The following CDYL variants were observed in gnomAD, a reference collection of about 807,000 sequenced individuals.
The protein encoded by CDYL is chromodomain Y like.
CDYL carries 8 observed loss-of-function variants against 47.3 expected under a neutral mutation model. The ratio of observed to expected loss-of-function variants is 0.17; its 90% CI spans 0.10 to 0.31. The LOEUF is 0.31. CDYL is among the 10% of genes least tolerant of loss of function. The pLI, the probability that CDYL is intolerant of heterozygous loss-of-function variation, is 1.00. For missense variants in CDYL, 471 were observed against 701.4 expected, an observed-to-expected ratio of 0.67 and a Z score of 3.71; for synonymous variants, 266 against 265.0, an observed-to-expected ratio of 1.00 and a Z score of -0.04.
In CDYL at chr6:4,955,072, T is replaced by G. The variant is rs1193689612; in HGVS notation, c.*1016T>G. 3 of 152,626 alleles carry G rather than the reference T, an allele frequency of 2.0e-5. No individual in the cohort carries two copies. The highest frequency in any genetic ancestry group is 4.4e-5 in the Non-Finnish European group (3 of 68,016). The allele number at this position is 152,626 out of a possible 1,614,324, so 9.5% of individuals were successfully genotyped here. A position where few individuals can be genotyped will look rare whatever the true frequency, so the allele number is the denominator to read the frequency against. ...ACACTATTAAATGCAAAAACTCCTT[T>G]CAAAACAAAAAAGAACTACCTTATA... On this transcript the variant is annotated 3_prime_UTR_variant, in exon 7 of 7. Transcript: ENST00000397588.
chr6:4,943,963 C>G (rs775795835), intron 5 of CDYL: 8 of 475,968 alleles, frequency 1.7e-5, no homozygotes, highest in Middle Eastern at 5.5e-4. Context: ...AGGAGCCTAC[C>G]ACTTTGCATA....
chr6:4,787,985 T>A (rs945541727), intron 1 of CDYL, among the ~76,000 whole-genome samples: 3 of 151,358 alleles, frequency 2.0e-5, no homozygotes, highest in African/African-American at 7.3e-5. Context: ...TTGGCCAGGC[T>A]GGTCTCGAAC....
chr6:4,819,154 C>CTGTG (rs1481715959), intron 1 of CDYL, among the ~76,000 whole-genome samples: 27 of 137,686 alleles, frequency 2.0e-4, no homozygotes, highest in African/African-American at 8.6e-4. Flanking sequence ...CTCTCTCTCT[C>CTGTG]TCTCTCTCTG....
At chr6:4,780,973 A>G (rs989903671) in intron 1 of CDYL, among the ~76,000 whole-genome samples, 10 of 151,376 alleles carry the variant, frequency 6.6e-5, no homozygotes, top group African/African-American at 2.4e-4. Context: ...GTATGTCTTA[A>G]TAATTCCTTT....
intron 1 of CDYL, chr6:4,836,117 T>G (rs2127456397): frequency 9.5e-5 from 18 of 189,742 alleles, no homozygotes; most frequent in East Asian, 1.9e-4. Flanking sequence ...CACTCCCTAG[T>G]GAGATGAACC....
In CDYL at chr6:4,952,423, C is replaced by T. The variant is rs1170374423; in HGVS notation, c.1476+14C>T. ...TGCAATCCAGTTGTATGTCTAATTG[C>T]TTCTGTTACACGTTACTTTTTAAAA... On this transcript the variant is annotated intron_variant, in intron 6 of 6. Transcript: ENST00000397588. The T allele has an allele frequency of 6.3e-7, 1 of 1,597,556 alleles. No homozygotes were observed. Among genetic ancestry groups the T allele is most frequent in the Non-Finnish European group, 8.5e-7 (1 of 1,173,472 alleles).
intron 3 of CDYL, 103 bp downstream of exon 3, chr6:4,935,874 C>A: frequency 6.5e-7 from 1 of 1,531,342 alleles, no homozygotes; most frequent in Non-Finnish European, 8.8e-7. Context: ...TCTAAACCTC[C>A]TTTTGGGCCA....
intron 3 of CDYL, among the ~76,000 whole-genome samples, chr6:4,761,550 G>A (rs1758176095): frequency 1.3e-5 from 2 of 152,052 alleles, no homozygotes; most frequent in Non-Finnish European, 2.9e-5. Context: ...CACCATGTTG[G>A]CCAGGCTGGT....
At chr6:4,802,765 A>C (rs1759260789) in intron 1 of CDYL, among the ~76,000 whole-genome samples, 1 of 135,370 alleles carries the variant, frequency 7.4e-6, no homozygotes, top group African/African-American at 2.8e-5. Context: ...TTTGTATGAG[A>C]GTCAGCCACC....
intron 2 of CDYL, among the ~76,000 whole-genome samples, chr6:4,896,092 G>A (rs2127489969): frequency 6.6e-6 from 1 of 152,324 alleles, no homozygotes; most frequent in East Asian, 1.9e-4. Flanking sequence ...ATACTGCTGA[G>A]AATATAATCA....
At chr6:4,844,340 G>A (rs1036748015) in intron 1 of CDYL, among the ~76,000 whole-genome samples, 3 of 152,218 alleles carry the variant, frequency 2.0e-5, no homozygotes, top group African/African-American at 7.2e-5. Context: ...ATCAGGTGGT[G>A]TGGGGGCCCT....
At chr6:4,913,296 A>G (rs1472551961) in intron 2 of CDYL, among the ~76,000 whole-genome samples, 1 of 152,164 alleles carries the variant, frequency 6.6e-6, no homozygotes, top group African/African-American at 2.4e-5. Flanking sequence ...GGTGGTTTTA[A>G]GTGCCATCTT....
rs542204739 is a variant in CDYL at position 4,925,852 on chromosome 6, C to T, written c.692-9663C>T. Among the ~76,000 whole-genome samples the T allele has an allele frequency of 3.3e-5, 5 of 152,280 alleles. No individual in the cohort carries two copies. The South Asian group carries it at 6.2e-4, about 19-fold the overall frequency. On this transcript the variant is annotated intron_variant, in intron 2 of 6. Coordinates refer to ENST00000397588, the MANE Select transcript of CDYL (RefSeq NM_004824.4). ...CCTGTGGTTTGCATGTGAGAACACA[C>T]ATCTCTGTGAATAAGAATAGCCCGG...
chr6:4,726,108 A>G (rs1265786870), intron 2 of CDYL, among the ~76,000 whole-genome samples: 1 of 152,140 alleles, frequency 6.6e-6, no homozygotes, highest in African/African-American at 2.4e-5. Flanking sequence ...TCCAAGATTT[A>G]GAGGTTAAAA....
intron 6 of CDYL, 87 bp from the exon 7 acceptor site, chr6:4,953,811 A>C: frequency 2.4e-6 from 3 of 1,268,818 alleles, no homozygotes; most frequent in Non-Finnish European, 3.3e-6. Context: ...CTGGAATTTG[A>C]TGATTGCCTC....
intron 2 of CDYL, among the ~76,000 whole-genome samples, chr6:4,733,875 A>T (rs1269489409): frequency 9.3e-4 from 126 of 136,198 alleles, no homozygotes; most frequent in African/African-American, 3.2e-3. Flanking sequence ...TTCTTGAGAC[A>T]GAGTCTCACT....
intron 1 of CDYL, among the ~76,000 whole-genome samples, chr6:4,886,086 T>C (rs1761893574): frequency 6.6e-6 from 1 of 152,228 alleles, no homozygotes; most frequent in African/African-American, 2.4e-5. Flanking sequence ...TTCATTCCTT[T>C]CTGTGGCTGA....
chr6:4,721,859 T>C (rs1757376605), intron 2 of CDYL, among the ~76,000 whole-genome samples: 1 of 152,020 alleles, frequency 6.6e-6, no homozygotes, highest in African/African-American at 2.4e-5. Flanking sequence ...TAAGAATTTT[T>C]GTTTTTTGGG....
chr6:4,709,494 C>G (rs955295756), intron 1 of CDYL, among the ~76,000 whole-genome samples: 4 of 152,156 alleles, frequency 2.6e-5, no homozygotes, highest in Admixed American at 1.3e-4. Context: ...TTGCACCCAG[C>G]CGCCCCCAGT....
Sources: allele counts gnomAD v4.1 joint callset (sites outside exome capture counted in the v4.1 genomes callset), GRCh38; gene constraint gnomAD v4.1.1; transcripts MANE v1.5; gene names NCBI Gene and HGNC (gene_info 2026-07-23, HGNC 2026-07-21).